Variants in CATSPERG observed in about 807,000 individuals in gnomAD.
The protein encoded by CATSPERG is cation channel sperm-associated auxiliary subunit gamma.
A neutral mutation model predicts 145.0 loss-of-function variants in CATSPERG; 115 were observed. The ratio of observed to expected loss-of-function variants is 0.79; its 90% CI spans 0.68 to 0.93. The LOEUF (loss-of-function observed/expected upper bound fraction) is 0.93, where lower values mean the gene tolerates loss of function less well. Ranked by LOEUF, CATSPERG falls within the 40% of genes least tolerant of loss-of-function variation. The pLI is 0.00. For missense variants in CATSPERG, 1,296 were observed against 1,490.1 expected (o/e 0.87, Z 2.14); for synonymous variants, 588 against 589.0 (o/e 1.00, Z 0.02).
At chr19:38,356,398 G>C (rs1970243028) in intron 9 of CATSPERG, 86 bp from the exon 10 acceptor site, 2 of 1,176,838 alleles carry the variant, frequency 1.7e-6, no homozygotes, top group African/African-American at 3.0e-5. Flanking sequence ...GGGCTGGTGG[G>C]CATAAGGAGG....
In CATSPERG at chr19:38,344,333, C is replaced by A. The variant is rs776137239; in HGVS notation, c.634C>A (p.Arg212=). 6.4e-7 allele frequency: 1 copy of A among 1,551,684 alleles called. No homozygotes were observed. The highest frequency in any genetic ancestry group is 1.2e-5 in the South Asian group (1 of 84,050). The change falls in exon 6 of 29, where the codon CGG becomes AGG. Residue 212 remains arginine, a synonymous_variant. Transcript: ENST00000409235. The part of the protein sequence containing the change: ...MNINGFLKRD[R]DNNIQFTVGE... ...TATCAACGGCTTCCTGAAGAGAGAC[C>A]GGGACAATAACATCCAATTCACTGT... is the stretch of plus-strand genomic sequence containing the variant.
chr19:38,340,017 G>A (rs1356224065), intron 3 of CATSPERG, among the ~76,000 whole-genome samples: 1 of 152,032 alleles, frequency 6.6e-6, no homozygotes, highest in African/African-American at 2.4e-5. Flanking sequence ...ACCATGCCTG[G>A]CTAATTTTTA....
At chr19:38,361,992 G>GGGGGGGGGC in intron 17 of CATSPERG, 131 bp downstream of exon 17, 1 of 347,366 alleles carries the variant, frequency 2.9e-6, no homozygotes, top group Non-Finnish European at 5.6e-6. Flanking sequence ...GTGGGCGGGG[G>GGGGGGGGGC]ACCTGGGGGC....
At position 38,367,819 on chromosome 19, in the gene CATSPERG, CT is replaced by C; in HGVS notation, c.2930+44del. ...CCACGTGTAATCCACCTTGCTTCCC[CT>C]GGAGGCCTTTCCCACTTCCAAGCCA... On this transcript the variant is annotated intron_variant, in intron 25 of 28. Coordinates refer to ENST00000409235, the MANE Select transcript of CATSPERG (RefSeq NM_021185.5). 6.4e-6 allele frequency: 10 copies of C among 1,566,308 alleles called. 1 individual carries two copies. The highest frequency in any genetic ancestry group is 3.6e-4 in the Middle Eastern group (2 of 5,596).
At chr19:38,336,903 C>G in intron 1 of CATSPERG, 2 of 446,744 alleles carry the variant, frequency 4.5e-6, no homozygotes, top group Non-Finnish European at 8.3e-6. Flanking sequence ...AGGGCTGGGG[C>G]CCGGAGCAAT....
At chr19:38,368,187 T>C in intron 26 of CATSPERG, 50 bp downstream of exon 26, 1 of 1,507,586 alleles carries the variant, frequency 6.6e-7, no homozygotes, top group Middle Eastern at 1.7e-4. Flanking sequence ...GGTAGTCCAT[T>C]GGGCCCACCT....
intron 7 of CATSPERG, among the ~76,000 whole-genome samples, chr19:38,348,395 A>T (rs1389867717): frequency 2.6e-5 from 4 of 151,362 alleles, no homozygotes; most frequent in Non-Finnish European, 5.9e-5. Flanking sequence ...TCCTGCCCTT[A>T]AGCAATCCTC....
At chr19:38,364,597 C>T (rs1370506394) in intron 20 of CATSPERG, among the ~76,000 whole-genome samples, 2 of 152,232 alleles carry the variant, frequency 1.3e-5, no homozygotes, top group Non-Finnish European at 1.5e-5. Context: ...TTGTAGCAAG[C>T]CGAGATCACG....
chr19:38,345,273 T>C (rs1229365930), intron 6 of CATSPERG, among the ~76,000 whole-genome samples: 1 of 151,306 alleles, frequency 6.6e-6, no homozygotes, highest in Non-Finnish European at 1.5e-5. Context: ...ATTTTTTTAT[T>C]TTTTGTAGAG....
rs550619047 is a variant in CATSPERG, at chr19:38,362,417, C to T, written c.2199C>T (p.Gly733=). 4.1e-5 allele frequency: 66 copies of T among 1,614,156 alleles called. 1 individual carries two copies. The South Asian group carries it at 7.0e-4, about 17-fold the overall frequency. ...FFLASNWRSA[G]GVSIEMDSYE... ...TGGCGAGCAATTGGCGAAGCGCGGG[C>T]GGCGTGTCCATAGAAATGGACAGCT... is the stretch of plus-strand genomic sequence containing the variant. The change falls in exon 19 of 29, where the codon GGC becomes GGT. Residue 733 remains glycine, a synonymous_variant. Transcript: ENST00000409235.
chr19:38,362,128 G>A lies in CATSPERG; in HGVS notation c.2095-82G>A, dbSNP rs544563903. On this transcript the variant is annotated intron_variant, in intron 17 of 28. Coordinates refer to ENST00000409235, the MANE Select transcript of CATSPERG (RefSeq NM_021185.5). The stretch of plus-strand genomic sequence containing the variant: ...GGGTTGGGGGCTGGCTTTGAGGCTA[G>A]GAGGTGGTCTGGGGATGCCGCTTGC... 24 of 1,444,538 alleles carry A rather than the reference G, an allele frequency of 1.7e-5. No individual in the cohort carries two copies. The Admixed American group carries it at 2.6e-4, about 15-fold the overall frequency. The allele number at this position is 1,444,538 out of a possible 1,614,324, so 89.5% of individuals were successfully genotyped here. A position where few individuals can be genotyped will look rare whatever the true frequency, so the allele number is the denominator to read the frequency against.
In CATSPERG at chr19:38,367,181, T is replaced by C. The variant is rs776264746; in HGVS notation, c.2639T>C (p.Ile880Thr). ...MQGNLMVPVF[I>T]GCPPGKRLAF... ...GGCAACCTGATGGTGCCAGTGTTCA[T>C]TGGCTGCCCCCCAGGCAAGCGCCTG... Residue 880 changes from isoleucine (I) to threonine (T), a missense_variant, in exon 23 of 29, where the codon ATT (isoleucine) becomes ACT (threonine). Coordinates refer to ENST00000409235, the MANE Select transcript of CATSPERG (RefSeq NM_021185.5). The C allele has an allele frequency of 1.2e-5, 19 of 1,613,576 alleles. No individual in the cohort carries two copies. Among genetic ancestry groups the C allele is most frequent in the Non-Finnish European group, 1.4e-5 (17 of 1,179,868 alleles).
intron 19 of CATSPERG, 59 bp downstream of exon 19, chr19:38,362,633 A>C (rs1420176195): frequency 1.0e-5 from 16 of 1,594,214 alleles, no homozygotes; most frequent in African/African-American, 1.4e-5. Context: ...AGAATCTGGG[A>C]GCCTGGGGGG....
At chr19:38,337,896 TG>T (rs1403601173) in intron 3 of CATSPERG, 1 of 352,048 alleles carries the variant, frequency 2.8e-6, no homozygotes, top group African/African-American at 2.1e-5. Flanking sequence ...TTTTTGTATT[TG>T]GTAGAGACAG....
intron 11 of CATSPERG, 64 bp downstream of exon 11, chr19:38,356,925 C>G (rs1005023688): frequency 6.3e-6 from 10 of 1,591,228 alleles, no homozygotes; most frequent in Middle Eastern, 1.7e-4. Flanking sequence ...GGACTGCATG[C>G]CCATCCTGAG....
At chr19:38,349,295 C>T (rs1488722954) in intron 7 of CATSPERG, 1 of 152,140 alleles carries the variant, frequency 6.6e-6, no homozygotes, top group Admixed American at 6.6e-5. Context: ...CCATGCCTGG[C>T]TAATTTTTGT....
In CATSPERG at chr19:38,370,626, TAA is replaced by T; in HGVS notation, c.3316_3317del (p.Asn1106GlnfsTer42). ...GGCTGCACGATGATCCGGTGGAAGA[TAA>T]ACAACCTCATTGCCTCAGAATCCTA... On this transcript the variant is annotated frameshift_variant, in exon 29 of 29. Coordinates refer to ENST00000409235, the MANE Select transcript of CATSPERG (RefSeq NM_021185.5). LOFTEE classifies it low-confidence loss of function (END_TRUNC). The T allele has an allele frequency of 6.2e-7, 1 of 1,614,140 alleles. No homozygotes were observed. Among genetic ancestry groups the T allele is most frequent in the Non-Finnish European group, 8.5e-7 (1 of 1,180,030 alleles).
At position 38,335,864 on chromosome 19, in the gene CATSPERG, A is replaced by G. The variant is rs1291305725; in HGVS notation, c.-26A>G. 8.5e-5 allele frequency: 20 copies of G among 235,576 alleles called. No homozygotes were observed. Among genetic ancestry groups the G allele is most frequent in the East Asian group, 1.5e-4 (1 of 6,568 alleles). 14.6% of individuals were successfully genotyped at this position (235,576 alleles called of 1,614,324 possible). Reference sequence around the variant, plus strand: ...GCCGAGTGACAGTTGACCGGTTTTAACCAAGTGACTGGTACCACGGGGCCG... The same window carrying G: ...GCCGAGTGACAGTTGACCGGTTTTAGCCAAGTGACTGGTACCACGGGGCCG... On this transcript the variant is annotated 5_prime_UTR_variant, in exon 1 of 29. Transcript: ENST00000409235.
intron 8 of CATSPERG, among the ~76,000 whole-genome samples, chr19:38,352,872 G>A (rs60082376): frequency 0.14 from 21,636 of 151,106 alleles, 1,830 homozygotes; most frequent in South Asian, 0.21. Context: ...TCATTGGAGA[G>A]GAAAAAAGAG....
Sources: gnomAD v4.1 joint callset for allele counts (sites outside exome capture counted in the v4.1 genomes callset) on GRCh38, gnomAD v4.1.1 for gene constraint, MANE v1.5 for transcripts, NCBI Gene and HGNC (gene_info 2026-07-23, HGNC 2026-07-21) for gene names.